The following C6orf52 variants were observed in gnomAD, a reference collection of about 807,000 sequenced individuals.
C6orf52 encodes the protein putative uncharacterized protein C6orf52.
Under a neutral mutation model 16.6 loss-of-function variants are expected in C6orf52, and 16 were observed. That is an observed-to-expected ratio of 0.96 (90% CI 0.65 to 1.46). The LOEUF is 1.46. C6orf52 is among the 40% of genes most tolerant of loss of function. C6orf52 has a pLI of 0.00. For synonymous variants in C6orf52, 53 were observed against 61.4 expected (o/e 0.86, Z 0.64); for missense variants, 166 against 182.3 (o/e 0.91, Z 0.52).
intron 4 of C6orf52, among the ~76,000 whole-genome samples, chr6:10,678,796 T>C (rs1768111160): frequency 6.6e-6 from 1 of 152,098 alleles, no homozygotes; most frequent in Non-Finnish European, 1.5e-5. Flanking sequence ...AAAAAATTTT[T>C]TTAAAAGAAC....
intron 4 of C6orf52, among the ~76,000 whole-genome samples, chr6:10,678,639 T>C (rs1470006089): frequency 6.6e-6 from 1 of 152,208 alleles, no homozygotes; most frequent in Non-Finnish European, 1.5e-5. Context: ...TGTTTCCCAG[T>C]GCATATAAAA....
chr6:10,689,291 CG>C (rs1769096675), intron 1 of C6orf52, among the ~76,000 whole-genome samples: 1 of 152,196 alleles, frequency 6.6e-6, no homozygotes, highest in African/African-American at 2.4e-5. Context: ...TTTCAGTCCA[CG>C]ACTGGTTGCA....
intron 1 of C6orf52, among the ~76,000 whole-genome samples, chr6:10,691,284 G>A (rs573987777): frequency 9.2e-5 from 14 of 152,056 alleles, no homozygotes; most frequent in Non-Finnish European, 1.5e-4. Context: ...CGGGATCTTC[G>A]GCAAGACTCA....
At chr6:10,691,834 GTTTT>G (rs530591718) in intron 1 of C6orf52, among the ~76,000 whole-genome samples, 2 of 151,018 alleles carry the variant, frequency 1.3e-5, no homozygotes, top group African/African-American at 2.4e-5. Flanking sequence ...AAGTTTTGGG[GTTTT>G]TTTTTCTTTT....
chr6:10,679,825 G>A (rs538196249), intron 4 of C6orf52, among the ~76,000 whole-genome samples: 71 of 152,236 alleles, frequency 4.7e-4, no homozygotes, highest in Non-Finnish European at 8.4e-4. Flanking sequence ...GATTTTCCCC[G>A]TTCAGTGCAA....
intron 1 of C6orf52, among the ~76,000 whole-genome samples, chr6:10,692,041 AAAC>A (rs1769362028): frequency 6.6e-6 from 1 of 152,208 alleles, no homozygotes. Context: ...AAAGTGTATT[AAAC>A]AAGTATTAAT....
At chr6:10,689,623 G>A (rs1769122286) in intron 1 of C6orf52, among the ~76,000 whole-genome samples, 1 of 152,152 alleles carries the variant, frequency 6.6e-6, no homozygotes, top group Non-Finnish European at 1.5e-5. Flanking sequence ...CTAGTAGAAG[G>A]GGATAGGGGA....
intron 3 of C6orf52, 43 bp from the exon 4 acceptor site, chr6:10,683,275 A>T (rs1173754239): frequency 7.7e-7 from 1 of 1,294,196 alleles, no homozygotes; most frequent in Non-Finnish European, 1.1e-6. Flanking sequence ...TTTTACTTAA[A>T]GGTTTAATAT....
intron 4 of C6orf52, chr6:10,672,442 T>C: frequency 1.9e-6 from 1 of 536,052 alleles, no homozygotes; most frequent in South Asian, 2.7e-5. Context: ...CATTTGGAGA[T>C]GGGGCCTCTG....
chr6:10,691,210 G>C (rs2127472814), intron 1 of C6orf52, among the ~76,000 whole-genome samples: 1 of 152,316 alleles, frequency 6.6e-6, no homozygotes. Context: ...TTAAATTGTA[G>C]CAGGACAAGC....
At chr6:10,672,833 G>A (rs559984144) in intron 4 of C6orf52, among the ~76,000 whole-genome samples, 1 of 152,190 alleles carries the variant, frequency 6.6e-6, no homozygotes, top group South Asian at 2.1e-4. Flanking sequence ...AGAATGGTAA[G>A]AAAATAAATC....
Position 10,671,427 on chromosome 6 carries a change from T to C in C6orf52, c.*29A>G. The C allele has an allele frequency of 6.6e-7, 1 of 1,512,834 alleles. No individual in the cohort carries two copies. The highest frequency in any genetic ancestry group is 1.3e-5 in the South Asian group (1 of 77,590). The allele number at this position is 1,512,834 out of a possible 1,614,324, so 93.7% of individuals were successfully genotyped here. On this transcript the variant is annotated 3_prime_UTR_variant, in exon 5 of 5. Coordinates refer to ENST00000259983, the MANE Select transcript of C6orf52 (RefSeq NM_001145020.3). Reference sequence around the variant, plus strand: ...ACAAAAGACGACACAATTAGTATGATAATTGCGGAGTTTAATGAACACCTT... The same window carrying C: ...ACAAAAGACGACACAATTAGTATGACAATTGCGGAGTTTAATGAACACCTT...
chr6:10,683,589 C>T (rs866016477), intron 3 of C6orf52, among the ~76,000 whole-genome samples: 1 of 152,208 alleles, frequency 6.6e-6, no homozygotes, highest in Non-Finnish European at 1.5e-5. Context: ...GTACTACATG[C>T]CTGACTCTAC....
chr6:10,686,041 G>A (rs948011231), intron 3 of C6orf52, among the ~76,000 whole-genome samples: 4 of 152,096 alleles, frequency 2.6e-5, no homozygotes, highest in East Asian at 1.9e-4. Flanking sequence ...GCTAAAAATC[G>A]CAATGTATCT....
intron 4 of C6orf52, 23 bp downstream of exon 4, chr6:10,683,164 C>G (rs759663715): frequency 6.6e-7 from 1 of 1,513,742 alleles, no homozygotes; most frequent in South Asian, 1.3e-5. Context: ...TTTCCAACCA[C>G]TTCAGCACAA....
intron 4 of C6orf52, among the ~76,000 whole-genome samples, chr6:10,677,851 T>C (rs956739303): frequency 1.3e-5 from 2 of 151,902 alleles, no homozygotes; most frequent in African/African-American, 4.8e-5. Context: ...TTTCTATTTC[T>C]ATGTAGAATG....
intron 4 of C6orf52, among the ~76,000 whole-genome samples, chr6:10,675,881 C>G (rs1337137735): frequency 6.6e-6 from 1 of 152,166 alleles, no homozygotes; most frequent in Non-Finnish European, 1.5e-5. Flanking sequence ...CCTGTAATCC[C>G]AGCACTTTGG....
chr6:10,681,510 C>CA (rs1189575635), intron 4 of C6orf52, among the ~76,000 whole-genome samples: 5 of 152,120 alleles, frequency 3.3e-5, no homozygotes, highest in Non-Finnish European at 7.3e-5. Context: ...CCTTGAGGTG[C>CA]AACTGCATTA....
intron 1 of C6orf52, among the ~76,000 whole-genome samples, chr6:10,688,043 A>G (rs1232322860): frequency 6.6e-6 from 1 of 151,870 alleles, no homozygotes. Context: ...TCTTTTTTTA[A>G]TTCCACGCAG....
Sources: allele counts gnomAD v4.1 joint callset (sites outside exome capture counted in the v4.1 genomes callset), GRCh38; gene constraint gnomAD v4.1.1; transcripts MANE v1.5; gene names NCBI Gene and HGNC (gene_info 2026-07-23, HGNC 2026-07-21).